The following ATRNL1 variants were observed in gnomAD, a reference collection of about 807,000 sequenced individuals.
ATRNL1 encodes the protein attractin like 1.
Under a neutral mutation model 182.7 loss-of-function variants are expected in ATRNL1, and 95 were observed. The observed-to-expected ratio is 0.52, with a 90% CI of 0.44 to 0.62. The LOEUF is 0.62. ATRNL1 is among the 20% of genes least tolerant of loss of function. The pLI is 0.00. For missense variants in ATRNL1, 1,471 were observed against 1,679.5 expected (o/e 0.88, Z 2.17); for synonymous variants, 576 against 568.3 (o/e 1.01, Z -0.19).
At chr10:115,299,599 AGTTTC>A (rs1187945222) in intron 15 of ATRNL1, among the ~76,000 whole-genome samples, 2 of 152,114 alleles carry the variant, frequency 1.3e-5, no homozygotes, top group African/African-American at 4.8e-5. Context: ...TTTATTTTCT[AGTTTC>A]ACAATGCAGA....
intron 25 of ATRNL1, among the ~76,000 whole-genome samples, chr10:115,527,996 C>CCTTCCTTCCTT (rs1565133292): frequency 5.9e-4 from 32 of 54,014 alleles, no homozygotes; most frequent in African/African-American, 3.1e-3. Flanking sequence ...CTCCCTCCCT[C>CCTTCCTTCCTT]CCTTCCTTCC....
At chr10:115,464,723 A>G (rs1554970458) in intron 22 of ATRNL1, among the ~76,000 whole-genome samples, 1 of 151,910 alleles carries the variant, frequency 6.6e-6, no homozygotes, top group Admixed American at 6.6e-5. Context: ...CATAAGGTAC[A>G]TGTAATTAAG....
intron 25 of ATRNL1, among the ~76,000 whole-genome samples, chr10:115,533,947 G>A (rs1333257505): frequency 7.5e-5 from 11 of 147,298 alleles, no homozygotes; most frequent in Non-Finnish European, 1.7e-4. Context: ...GTTCTAGTTT[G>A]ATTGCACTGT....
At chr10:115,438,374 A>G (rs1166632857) in intron 21 of ATRNL1, among the ~76,000 whole-genome samples, 3 of 151,968 alleles carry the variant, frequency 2.0e-5, no homozygotes, top group Admixed American at 6.6e-5. Flanking sequence ...AGTAAAGCAA[A>G]TCTTAAATAT....
At chr10:115,229,451 A>G (rs1348803148) in intron 9 of ATRNL1, among the ~76,000 whole-genome samples, 2 of 152,082 alleles carry the variant, frequency 1.3e-5, no homozygotes, top group Non-Finnish European at 2.9e-5. Flanking sequence ...AGTGTCTGAA[A>G]TCTTTTCAAT....
chr10:115,646,371 G>T (rs1326254004), intron 26 of ATRNL1, among the ~76,000 whole-genome samples: 11 of 152,004 alleles, frequency 7.2e-5, no homozygotes, highest in African/African-American at 2.7e-4. Context: ...GTGGATGTTC[G>T]CACCAGTAAG....
intron 28 of ATRNL1, among the ~76,000 whole-genome samples, chr10:115,943,411 T>C (rs1189415056): frequency 5.3e-5 from 8 of 152,138 alleles, no homozygotes; most frequent in African/African-American, 9.7e-5. Flanking sequence ...CAAAGAAGTA[T>C]ATCAAGAGGT....
intron 15 of ATRNL1, among the ~76,000 whole-genome samples, chr10:115,287,527 T>C (rs1852677719): frequency 6.6e-6 from 1 of 152,102 alleles, no homozygotes; most frequent in Admixed American, 6.6e-5. Flanking sequence ...TCTTAATTTT[T>C]CTATGGTAAG....
chr10:115,766,998 G>A (rs927017915), intron 27 of ATRNL1, among the ~76,000 whole-genome samples: 1 of 152,168 alleles, frequency 6.6e-6, no homozygotes, highest in Non-Finnish European at 1.5e-5. Flanking sequence ...CTGAGTTATT[G>A]TAAGAATTAT....
intron 1 of ATRNL1, among the ~76,000 whole-genome samples, chr10:115,119,077 A>G (rs1844612659): frequency 6.6e-6 from 1 of 152,128 alleles, no homozygotes. Flanking sequence ...GACATGTAGA[A>G]AATGCTTAAG....
Position 115,400,448 on chromosome 10 carries a change from T to C in ATRNL1, c.3269+5696T>C, listed in dbSNP as rs574279250. On this transcript the variant is annotated intron_variant, in intron 20 of 28. Coordinates refer to ENST00000355044, the MANE Select transcript of ATRNL1 (RefSeq NM_207303.4). ...TTTTGAGTGGAGAGTTCTGCCTGTA[T>C]CTATGAGATCCATTTGATCCAGTGC... Among the ~76,000 whole-genome samples the C allele has an allele frequency of 8.0e-4, 122 of 152,266 alleles. No individual in the cohort carries two copies. The Middle Eastern group carries it at 0.01, about 13-fold the overall frequency.
intron 26 of ATRNL1, among the ~76,000 whole-genome samples, chr10:115,659,887 G>T (rs2133901160): frequency 6.6e-6 from 1 of 152,286 alleles, no homozygotes; most frequent in Non-Finnish European, 1.5e-5. Flanking sequence ...AACAGATGAT[G>T]TGTTTATGAC....
At chr10:115,471,124 C>A (rs1554972023) in intron 24 of ATRNL1, among the ~76,000 whole-genome samples, 1 of 150,562 alleles carries the variant, frequency 6.6e-6, no homozygotes, top group Non-Finnish European at 1.5e-5. Flanking sequence ...AGCAAGATTT[C>A]CTGCTTTTTA....
intron 19 of ATRNL1, among the ~76,000 whole-genome samples, chr10:115,341,802 A>G (rs1005554712): frequency 2.6e-5 from 4 of 151,978 alleles, no homozygotes; most frequent in African/African-American, 9.7e-5. Context: ...TTTCGTCTTG[A>G]AATCTGTTTT....
intron 26 of ATRNL1, among the ~76,000 whole-genome samples, chr10:115,663,173 A>G (rs782402183): frequency 6.6e-5 from 10 of 152,048 alleles, no homozygotes; most frequent in Non-Finnish European, 1.3e-4. Flanking sequence ...AATACTATGA[A>G]TTATTATTAT....
chr10:115,209,543 G>A (rs758928585), intron 8 of ATRNL1, among the ~76,000 whole-genome samples: 1 of 150,792 alleles, frequency 6.6e-6, no homozygotes, highest in Non-Finnish European at 1.5e-5. Context: ...TACTTTTGCA[G>A]TATTATCCTG....
chr10:115,602,105 G>T (rs1474261871), intron 26 of ATRNL1, among the ~76,000 whole-genome samples: 1 of 152,024 alleles, frequency 6.6e-6, no homozygotes, highest in Non-Finnish European at 1.5e-5. Context: ...TGTAACCCTA[G>T]CACTTTGGGA....
chr10:115,778,203 G>A (rs80185150), intron 27 of ATRNL1, among the ~76,000 whole-genome samples: 3,111 of 152,102 alleles, frequency 0.02, 51 homozygotes, highest in Non-Finnish European at 0.031. Context: ...TAGGTGCTGA[G>A]GGTTACTATG....
chr10:115,407,985 CTTTTTTTTTTTTT>C (rs71010022), intron 20 of ATRNL1, among the ~76,000 whole-genome samples: 11 of 97,808 alleles, frequency 1.1e-4, no homozygotes, highest in African/African-American at 2.8e-4. Context: ...ATTTGCATTT[CTTTTTTTTTTTTT>C]TTTTTTTTTT....
Sources: gnomAD v4.1 joint callset for allele counts (sites outside exome capture counted in the v4.1 genomes callset) on GRCh38, gnomAD v4.1.1 for gene constraint, MANE v1.5 for transcripts, NCBI Gene and HGNC (gene_info 2026-07-23, HGNC 2026-07-21) for gene names.